RUNX2: variants seen among roughly 807,000 people sequenced by gnomAD.
RUNX2 encodes the protein runt-related transcription factor 2.
Under a neutral mutation model 51.7 loss-of-function variants are expected in RUNX2, and 10 were observed. That is an observed-to-expected ratio of 0.19 (90% confidence interval 0.12 to 0.33). The LOEUF is 0.33. RUNX2 is among the 10% of genes least tolerant of loss of function. The pLI is 1.00. For synonymous variants in RUNX2, 276 were observed against 273.6 expected (o/e 1.01, Z -0.09); for missense variants, 562 against 691.3 (o/e 0.81, Z 2.10).
At chr6:45,464,814 T>C (rs1799576624) in intron 5 of RUNX2, among the ~76,000 whole-genome samples, 1 of 152,262 alleles carries the variant, frequency 6.6e-6, no homozygotes, top group African/African-American at 2.4e-5. Flanking sequence ...CTTGGTAGGA[T>C]TTAAGCTTTT....
intron 6 of RUNX2, among the ~76,000 whole-genome samples, chr6:45,506,686 C>T (rs535029416): frequency 4.6e-5 from 7 of 152,270 alleles, no homozygotes; most frequent in Admixed American, 1.3e-4. Context: ...GACAAAGTCT[C>T]GCTCTGTCGC....
At chr6:45,371,700 G>C (rs1280006290) in intron 2 of RUNX2, among the ~76,000 whole-genome samples, 1 of 152,136 alleles carries the variant, frequency 6.6e-6, no homozygotes, top group Admixed American at 6.5e-5. Flanking sequence ...AAGTTATCTT[G>C]GAGACTGATG....
Position 45,334,382 on chromosome 6 carries a change from C to T in RUNX2, c.58+5598C>T, listed in dbSNP as rs185639104. Among the ~76,000 whole-genome samples the T allele has an allele frequency of 4.0e-4, 59 of 146,622 alleles. 1 individual carries two copies. Among genetic ancestry groups the T allele is most frequent in the Non-Finnish European group, 7.4e-4 (49 of 66,148 alleles). On this transcript the variant is annotated intron_variant, in intron 2 of 8. Coordinates refer to ENST00000647337, the MANE Select transcript of RUNX2 (RefSeq NM_001024630.4). ...GTTCCCCTAAATTACATGAACCATA[C>T]CATTATTTACATATTCCTTATAGTC... is the stretch of plus-strand genomic sequence containing the variant.
chr6:45,450,334 G>A (rs942922836), intron 5 of RUNX2, among the ~76,000 whole-genome samples: 1 of 152,144 alleles, frequency 6.6e-6, no homozygotes, highest in Non-Finnish European at 1.5e-5. Context: ...AGCTGACAGA[G>A]CCTTTTTTTT....
chr6:45,351,889 T>C (rs1023414639), intron 2 of RUNX2, among the ~76,000 whole-genome samples: 6 of 152,192 alleles, frequency 3.9e-5, no homozygotes, highest in Non-Finnish European at 5.9e-5. Context: ...AGAGGCCTTA[T>C]AAATGCTGAC....
chr6:45,393,278 G>A (rs1453239423), intron 2 of RUNX2, among the ~76,000 whole-genome samples: 1 of 152,162 alleles, frequency 6.6e-6, no homozygotes, highest in East Asian at 1.9e-4. Context: ...CAAGTATGGT[G>A]TATTGGGTAA....
Position 45,422,693 on chromosome 6 carries a change from A to ACAGCAGCAGCAGCAACAGCAGCAG in RUNX2, c.171_194dup (p.Gln64_Gln71dup), listed in dbSNP as rs1554384178. On this transcript the variant is annotated inframe_insertion, in exon 3 of 9. Transcript: ENST00000647337. Reference sequence around the variant, plus strand: ...TGGTGGCTGCGCAACAGCAGCAGCAACAGCAGCAGCAGCAACAGCAGCAGC... The same window carrying ACAGCAGCAGCAGCAACAGCAGCAG: ...TGGTGGCTGCGCAACAGCAGCAGCAACAGCAGCAGCAGCAACAGCAGCAGCAGCAGCAGCAGCAACAGCAGCAGC... 2 of 1,601,382 alleles carry ACAGCAGCAGCAGCAACAGCAGCAG rather than the reference A, an allele frequency of 1.2e-6. No individual in the cohort carries two copies. The highest frequency in any genetic ancestry group is 2.3e-5 in the East Asian group (1 of 43,676).
chr6:45,458,790 G>A (rs1799393112), intron 5 of RUNX2, among the ~76,000 whole-genome samples: 1 of 152,122 alleles, frequency 6.6e-6, no homozygotes, highest in African/African-American at 2.4e-5. Context: ...GTATGATCTG[G>A]AAACATACAG....
In RUNX2 at chr6:45,472,297, C is replaced by T. The variant is rs760382589; in HGVS notation, c.686-19644C>T. 1.2e-4 allele frequency among the ~76,000 whole-genome samples: 19 copies of T among 152,022 alleles called. No individual in the cohort carries two copies. The South Asian group carries it at 1.5e-3, about 12-fold the overall frequency. On this transcript the variant is annotated intron_variant, in intron 5 of 8. Transcript: ENST00000647337. The stretch of plus-strand genomic sequence containing the variant: ...CCAATAAGTAAGCAGACATCAGAAA[C>T]GGATAGCAAAAGTGAGAAACAAAAT...
chr6:45,545,289 C>G lies in RUNX2; in HGVS notation c.1087+7C>G. The G allele has an allele frequency of 6.5e-7, 1 of 1,538,960 alleles. No individual in the cohort carries two copies. The highest frequency in any genetic ancestry group is 8.8e-7 in the Non-Finnish European group (1 of 1,138,946). ...AGTAAGAAGAGCCAGGCAGGTGAGA[C>G]TTTTAACAATTGCTGGGCTGGGCAG... On this transcript the variant is annotated splice_region_variant and intron_variant, in intron 8 of 8. Coordinates refer to ENST00000647337, the MANE Select transcript of RUNX2 (RefSeq NM_001024630.4).
At chr6:45,508,602 C>G (rs1210123358) in intron 6 of RUNX2, among the ~76,000 whole-genome samples, 1 of 152,144 alleles carries the variant, frequency 6.6e-6, no homozygotes, top group Non-Finnish European at 1.5e-5. Context: ...TTGAAAGAGA[C>G]TGGCTTGACT....
chr6:45,417,682 C>T (rs559564331), intron 2 of RUNX2, among the ~76,000 whole-genome samples: 1 of 152,112 alleles, frequency 6.6e-6, no homozygotes, highest in East Asian at 1.9e-4. Flanking sequence ...CCTTGTGACT[C>T]GTACAGTGTC....
chr6:45,420,603 G>C (rs1269872983), intron 2 of RUNX2, among the ~76,000 whole-genome samples: 1 of 152,174 alleles, frequency 6.6e-6, no homozygotes, highest in African/African-American at 2.4e-5. Flanking sequence ...ACTCCACTAG[G>C]AATCTTTGAA....
At chr6:45,411,066 T>A (rs1797940239) in intron 2 of RUNX2, among the ~76,000 whole-genome samples, 1 of 152,164 alleles carries the variant, frequency 6.6e-6, no homozygotes, top group African/African-American at 2.4e-5. Flanking sequence ...AGAGACCAAG[T>A]CTCCACTCCA....
chr6:45,485,527 C>T (rs1342455177), intron 5 of RUNX2, among the ~76,000 whole-genome samples: 1 of 151,534 alleles, frequency 6.6e-6, no homozygotes, highest in African/African-American at 2.4e-5. Context: ...AGGGCAGATT[C>T]CCATAGGTAC....
intron 2 of RUNX2, among the ~76,000 whole-genome samples, chr6:45,339,274 G>A (rs1581704025): frequency 6.6e-6 from 1 of 152,278 alleles, no homozygotes; most frequent in East Asian, 1.9e-4. Flanking sequence ...TACCTGGGGA[G>A]TAAGTCTTGG....
rs535563194 is a variant in RUNX2, at chr6:45,385,731, C to G, written c.59-36862C>G. 9.2e-5 allele frequency among the ~76,000 whole-genome samples: 14 copies of G among 152,280 alleles called. No homozygotes were observed. In the East Asian group the frequency reaches 2.7e-3, roughly 29 times the overall value. ...CCTAGTCAATATGGTGAAACCCCGT[C>G]TGTACTAAAAATACAGAAATCAGCT... On this transcript the variant is annotated intron_variant, in intron 2 of 8. Coordinates refer to ENST00000647337, the MANE Select transcript of RUNX2 (RefSeq NM_001024630.4).
At chr6:45,493,526 G>A (rs528678099) in intron 6 of RUNX2, among the ~76,000 whole-genome samples, 1 of 152,072 alleles carries the variant, frequency 6.6e-6, no homozygotes, top group Non-Finnish European at 1.5e-5. Flanking sequence ...GGTGGTGAGG[G>A]TTGAAAAATG....
chr6:45,383,702 C>T (rs1034295132), intron 2 of RUNX2, among the ~76,000 whole-genome samples: 1 of 152,160 alleles, frequency 6.6e-6, no homozygotes, highest in African/African-American at 2.4e-5. Flanking sequence ...ACATCCAGTT[C>T]TCCAAAGTAT....
Sources: gnomAD v4.1 joint callset for allele counts (sites outside exome capture counted in the v4.1 genomes callset) on GRCh38, gnomAD v4.1.1 for gene constraint, MANE v1.5 for transcripts, NCBI Gene and HGNC (gene_info 2026-07-23, HGNC 2026-07-21) for gene names.